NT5DC1: variants seen among roughly 807,000 people sequenced by gnomAD.
The protein encoded by NT5DC1 is 5'-nucleotidase domain containing 1.
Under a neutral mutation model 59.4 loss-of-function variants are expected in NT5DC1, and 42 were observed. That is an observed-to-expected ratio of 0.71 (90% CI 0.55 to 0.92). The LOEUF is 0.92. Among genes scored for constraint, NT5DC1 ranks in the 40% least tolerant of loss-of-function variants. The pLI, the probability that NT5DC1 is intolerant of heterozygous loss-of-function variation, is 0.00. For missense variants in NT5DC1, 501 were observed against 537.1 expected, an observed-to-expected ratio of 0.93 and a Z score of 0.66; for synonymous variants, 172 against 188.1, an observed-to-expected ratio of 0.91 and a Z score of 0.70.
chr6:116,151,988 A>G (rs954868067), intron 6 of NT5DC1, among the ~76,000 whole-genome samples: 12 of 152,332 alleles, frequency 7.9e-5, no homozygotes, highest in South Asian at 6.2e-4. Flanking sequence ...TATTTTACTA[A>G]GCTAATGACT....
intron 6 of NT5DC1, among the ~76,000 whole-genome samples, chr6:116,149,398 A>G (rs958738): frequency 0.51 from 77,631 of 151,986 alleles, 20,940 homozygotes; most frequent in African/African-American, 0.69. Context: ...GTCTTTACCA[A>G]ACTGGCTCTG....
chr6:116,164,206 T>C (rs1780412930), intron 6 of NT5DC1, among the ~76,000 whole-genome samples: 2 of 152,190 alleles, frequency 1.3e-5, no homozygotes. Flanking sequence ...CCCACTATTA[T>C]TGTATGGCTT....
chr6:116,158,247 T>G (rs1239065881), intron 6 of NT5DC1, among the ~76,000 whole-genome samples: 1 of 81,686 alleles, frequency 1.2e-5, no homozygotes, highest in Non-Finnish European at 2.7e-5. Flanking sequence ...AGTAGTTTAG[T>G]GTGCTACCTC....
At chr6:116,140,013 A>G (rs756440321) in intron 6 of NT5DC1, among the ~76,000 whole-genome samples, 3 of 152,132 alleles carry the variant, frequency 2.0e-5, no homozygotes, top group Non-Finnish European at 4.4e-5. Flanking sequence ...GACTTACGTG[A>G]TAGATATTAC....
At chr6:116,146,355 T>C (rs1479786148) in intron 6 of NT5DC1, among the ~76,000 whole-genome samples, 3 of 152,168 alleles carry the variant, frequency 2.0e-5, no homozygotes, top group Non-Finnish European at 4.4e-5. Flanking sequence ...CTAAATAGAC[T>C]TTATCATACT....
At chr6:116,108,594 A>G (rs1395108163) in intron 3 of NT5DC1, among the ~76,000 whole-genome samples, 159 bp downstream of exon 3, 1 of 152,208 alleles carries the variant, frequency 6.6e-6, no homozygotes, top group African/African-American at 2.4e-5. Flanking sequence ...TGTTTAAGCC[A>G]TTTAAATATG....
intron 6 of NT5DC1, among the ~76,000 whole-genome samples, chr6:116,147,268 C>T (rs1779921052): frequency 6.6e-6 from 1 of 151,682 alleles, no homozygotes; most frequent in Non-Finnish European, 1.5e-5. Context: ...ATGGTGAAAT[C>T]CCGACTCTAC....
intron 11 of NT5DC1, among the ~76,000 whole-genome samples, chr6:116,240,617 A>C (rs1380376348): frequency 6.6e-6 from 1 of 152,232 alleles, no homozygotes. Context: ...AAGCCCAAAG[A>C]AATGAAACAA....
At chr6:116,226,000 G>C (rs527797480) in intron 8 of NT5DC1, among the ~76,000 whole-genome samples, 2 of 152,124 alleles carry the variant, frequency 1.3e-5, no homozygotes, top group African/African-American at 4.8e-5. Context: ...CCCCAACGAC[G>C]AAGAATTATC....
rs73773831 is a variant in NT5DC1 at position 116,237,799 on chromosome 6, A to C, written c.922-388A>C. Among the ~76,000 whole-genome samples, 3 of 152,194 alleles carry C rather than the reference A, an allele frequency of 2.0e-5. No homozygotes were observed. The South Asian group carries it at 6.2e-4, about 32-fold the overall frequency. On this transcript the variant is annotated intron_variant, in intron 9 of 11. Transcript: ENST00000319550. The stretch of plus-strand genomic sequence containing the variant: ...AAAGTGGTTGTGATTTGCACTTTTA[A>C]TAATCTCTAATCCACTATAACAAGT...
chr6:116,134,304 C>T (rs908559587), intron 6 of NT5DC1, among the ~76,000 whole-genome samples: 1 of 152,054 alleles, frequency 6.6e-6, no homozygotes, highest in African/African-American at 2.4e-5. Flanking sequence ...GCTGTAGACT[C>T]ATGGAGATAA....
In NT5DC1 at chr6:116,246,865, G is replaced by C; in HGVS notation, c.*2841G>C. 6.6e-6 allele frequency: 1 copy of C among 152,174 alleles called. No homozygotes were observed. Among genetic ancestry groups the C allele is most frequent in the Non-Finnish European group, 1.5e-5 (1 of 68,022 alleles). The allele number at this position is 152,174 out of a possible 1,614,324, so 9.4% of individuals were successfully genotyped here. ...GAATGAATTCAGAAAGGTGTCTCTTGTTGGTCTCTAGAACTATCCTCAGAA... is the reference window on the plus strand; with the variant it reads ...GAATGAATTCAGAAAGGTGTCTCTTCTTGGTCTCTAGAACTATCCTCAGAA... On this transcript the variant is annotated 3_prime_UTR_variant, in exon 12 of 12. Coordinates refer to ENST00000319550, the MANE Select transcript of NT5DC1 (RefSeq NM_152729.3).
At chr6:116,162,154 G>C (rs1040079809) in intron 6 of NT5DC1, among the ~76,000 whole-genome samples, 2 of 152,110 alleles carry the variant, frequency 1.3e-5, no homozygotes, top group Non-Finnish European at 2.9e-5. Flanking sequence ...CAAAGTTATT[G>C]ATTAGGTCCA....
chr6:116,244,056 C>A lies in NT5DC1; in HGVS notation c.*32C>A. ...TTTACTGAAAAATGAAGTGAAGACCCATATATGCAGTTAAAAAAAAGTTAA... is the reference window on the plus strand; with the variant it reads ...TTTACTGAAAAATGAAGTGAAGACCAATATATGCAGTTAAAAAAAAGTTAA... On this transcript the variant is annotated 3_prime_UTR_variant, in exon 12 of 12. Transcript: ENST00000319550. 1 of 824,746 alleles carries A rather than the reference C, an allele frequency of 1.2e-6. No homozygotes were observed. Among genetic ancestry groups the A allele is most frequent in the Non-Finnish European group, 2.0e-6 (1 of 511,144 alleles). 51.1% of individuals were successfully genotyped at this position (824,746 alleles called of 1,614,324 possible).
At chr6:116,125,327 A>G in intron 6 of NT5DC1, 1 of 1,612,974 alleles carries the variant, frequency 6.2e-7, no homozygotes, top group Non-Finnish European at 8.5e-7. Context: ...CAAAATATAC[A>G]ATTCAATTTA....
chr6:116,164,491 T>C (rs767787067), intron 6 of NT5DC1, among the ~76,000 whole-genome samples: 2 of 152,206 alleles, frequency 1.3e-5, no homozygotes, highest in Admixed American at 6.5e-5. Context: ...ATACATTATG[T>C]GGGTCTCTTT....
chr6:116,101,011 C>T lies in NT5DC1; in HGVS notation c.81C>T (p.Pro27=). 10 of 1,598,748 alleles carry T rather than the reference C, an allele frequency of 6.3e-6. No individual in the cohort carries two copies. Among genetic ancestry groups the T allele is most frequent in the Non-Finnish European group, 8.5e-6 (10 of 1,174,116 alleles). ...LDHTLCRYNL[P]ESAPLIYNSF... ...ACACTCTGTGTCGCTACAACCTGCC[C>T]GAGAGCGCCCCGGTGAGTGGCGCGG... is the stretch of plus-strand genomic sequence containing the variant. Residue 27 remains proline (P), a synonymous_variant, in exon 1 of 12, where the codon CCC becomes CCT. Transcript: ENST00000319550.
chr6:116,158,948 C>T (rs1214975748), intron 6 of NT5DC1, among the ~76,000 whole-genome samples: 1 of 152,080 alleles, frequency 6.6e-6, no homozygotes, highest in Non-Finnish European at 1.5e-5. Flanking sequence ...TATTTGATCC[C>T]ATGTGTAAAT....
At chr6:116,218,134 T>G (rs960210463) in intron 6 of NT5DC1, among the ~76,000 whole-genome samples, 3 of 152,162 alleles carry the variant, frequency 2.0e-5, no homozygotes, top group African/African-American at 7.2e-5. Flanking sequence ...CTGATTAAAT[T>G]ATTATATTGG....
Sources: allele counts gnomAD v4.1 joint callset (sites outside exome capture counted in the v4.1 genomes callset), GRCh38; gene constraint gnomAD v4.1.1; transcripts MANE v1.5; gene names NCBI Gene and HGNC (gene_info 2026-07-23, HGNC 2026-07-21).